CPED1: variants seen among roughly 807,000 people sequenced by gnomAD.
CPED1 encodes the protein cadherin like and PC-esterase domain containing 1.
Under a neutral mutation model 128.2 loss-of-function variants are expected in CPED1, and 114 were observed. The ratio of observed to expected loss-of-function variants is 0.89; its 90% CI spans 0.76 to 1.04. The LOEUF is 1.04. Among genes scored for constraint, CPED1 ranks in the 50% least tolerant of loss-of-function variants. CPED1 has a pLI of 0.00. For missense variants in CPED1, 1,211 were observed against 1,207.1 expected (o/e 1.00, Z -0.05); for synonymous variants, 462 against 426.7 (o/e 1.08, Z -1.02).
chr7:121,045,848 C>G (rs1454000832), intron 3 of CPED1, among the ~76,000 whole-genome samples: 1 of 152,060 alleles, frequency 6.6e-6, no homozygotes, highest in Non-Finnish European at 1.5e-5. Context: ...TTTTGAGATA[C>G]CTATTTCTAT....
At chr7:121,005,598 T>A (rs1791991694) in intron 2 of CPED1, among the ~76,000 whole-genome samples, 1 of 152,114 alleles carries the variant, frequency 6.6e-6, no homozygotes, top group Non-Finnish European at 1.5e-5. Context: ...TGTATACCTA[T>A]GTAACAAACC....
At chr7:121,285,245 T>C (rs1270645977) in intron 22 of CPED1, among the ~76,000 whole-genome samples, 1 of 152,214 alleles carries the variant, frequency 6.6e-6, no homozygotes, top group Non-Finnish European at 1.5e-5. Context: ...GTCCTGAGGC[T>C]GCACAGAGCA....
At chr7:121,041,794 C>A (rs1793060167) in intron 3 of CPED1, among the ~76,000 whole-genome samples, 1 of 152,158 alleles carries the variant, frequency 6.6e-6, no homozygotes, top group Admixed American at 6.5e-5. Context: ...TTTCTGAGAA[C>A]ACTTAGAGAA....
At chr7:121,246,411 T>C (rs1224265868) in intron 18 of CPED1, among the ~76,000 whole-genome samples, 1 of 152,238 alleles carries the variant, frequency 6.6e-6, no homozygotes, top group Non-Finnish European at 1.5e-5. Context: ...CTCACAGTTC[T>C]GGAGGCTACG....
chr7:121,060,397 C>T (rs932210366), intron 4 of CPED1, among the ~76,000 whole-genome samples: 1 of 152,250 alleles, frequency 6.6e-6, no homozygotes, highest in Admixed American at 6.5e-5. Flanking sequence ...GCCAGCTGAG[C>T]TCCTGAGTCT....
intron 13 of CPED1, among the ~76,000 whole-genome samples, chr7:121,135,092 CCTAA>C (rs1373027108): frequency 6.6e-6 from 1 of 151,756 alleles, no homozygotes; most frequent in East Asian, 1.9e-4. Flanking sequence ...TATTGTTAAA[CCTAA>C]CTAACAATTG....
Position 121,194,022 on chromosome 7 carries a change from CTA to C in CPED1, c.2056-42666_2056-42665del, listed in dbSNP as rs1231718616. On this transcript the variant is annotated intron_variant, in intron 16 of 22. Coordinates refer to ENST00000310396, the MANE Select transcript of CPED1 (RefSeq NM_024913.5). The stretch of plus-strand genomic sequence containing the variant: ...TCTCTCTCTCTCTCTCTCTCTCTCT[CTA>C]TATATATATATATATATATATATAT... Among the ~76,000 whole-genome samples, 101 of 74,738 alleles carry C rather than the reference CTA, an allele frequency of 1.4e-3. 1 individual carries two copies. The highest frequency in any genetic ancestry group is 5.3e-3 in the East Asian group (14 of 2,634). The allele number at this position is 74,738 out of a possible 152,430, so 49.0% of individuals were successfully genotyped here. A position where few individuals can be genotyped will look rare whatever the true frequency, so the allele number is the denominator to read the frequency against.
At chr7:121,273,462 C>A (rs1191735331) in intron 22 of CPED1, among the ~76,000 whole-genome samples, 1 of 151,562 alleles carries the variant, frequency 6.6e-6, no homozygotes. Flanking sequence ...GTAGAGGTTG[C>A]AATGAGCTGA....
chr7:121,021,069 G>C (rs1206840765), intron 3 of CPED1, among the ~76,000 whole-genome samples: 1 of 151,872 alleles, frequency 6.6e-6, no homozygotes, highest in Non-Finnish European at 1.5e-5. Flanking sequence ...ATTGGAATTT[G>C]TATTGAAATT....
chr7:121,041,174 C>T (rs1455539880), intron 3 of CPED1, among the ~76,000 whole-genome samples: 2 of 151,920 alleles, frequency 1.3e-5, no homozygotes, highest in East Asian at 1.9e-4. Flanking sequence ...AATATACTTG[C>T]TTTTGATTTA....
In CPED1 at chr7:121,254,952, G is replaced by A. The variant is rs150920288; in HGVS notation, c.2310+10614G>A. 6.6e-5 allele frequency among the ~76,000 whole-genome samples: 10 copies of A among 150,894 alleles called. No individual in the cohort carries two copies. The East Asian group carries it at 1.9e-3, about 29-fold the overall frequency. On this transcript the variant is annotated intron_variant, in intron 18 of 22. Transcript: ENST00000310396. ...AATCAAAACAAGACCTGACCCAGAT[G>A]GATTCACAGCCAAATTCTACCAGAT...
At chr7:121,253,530 A>C (rs987352123) in intron 18 of CPED1, among the ~76,000 whole-genome samples, 2 of 152,112 alleles carry the variant, frequency 1.3e-5, no homozygotes, top group African/African-American at 4.8e-5. Flanking sequence ...TCTAGTCTAC[A>C]TAACAACCAG....
chr7:121,054,165 G>T (rs1456086425), intron 4 of CPED1, among the ~76,000 whole-genome samples: 1 of 152,142 alleles, frequency 6.6e-6, no homozygotes, highest in African/African-American at 2.4e-5. Context: ...AGCAGAGAGG[G>T]CTTGGAAATA....
In CPED1 at chr7:121,099,823, C is replaced by T. The variant is rs149864758; in HGVS notation, c.750-103C>T. 1,448 of 1,214,320 alleles carry T rather than the reference C, an allele frequency of 1.2e-3. 25 individuals are homozygous for T. In the Middle Eastern group the frequency reaches 0.016, roughly 13 times the overall value. 75.2% of individuals were successfully genotyped at this position (1,214,320 alleles called of 1,614,324 possible). On this transcript the variant is annotated intron_variant, in intron 6 of 22. Transcript: ENST00000310396. The stretch of plus-strand genomic sequence containing the variant: ...AAACCCACACACTGAGGGCTGGCGT[C>T]CTACAAAGGATAGAAGCAGTTTACA...
At chr7:120,995,909 T>C (rs1035853620) in intron 2 of CPED1, among the ~76,000 whole-genome samples, 13 of 150,638 alleles carry the variant, frequency 8.6e-5, no homozygotes, top group Non-Finnish European at 1.5e-4. Flanking sequence ...CTCTTCTTCT[T>C]CTTCTCCTTC....
Position 121,124,436 on chromosome 7 carries a change from A to G in CPED1, c.1024A>G (p.Ser342Gly), listed in dbSNP as rs944420640. ...GKLLLAAEVF[S>G]ETSTLGPKTF... is the part of the protein sequence containing the mutation. ...ACTACTGCTAGCGGCTGAAGTATTC[A>G]GTGAAACATCTACTCTGGGACCAAA... The change falls in exon 8 of 23, where the codon AGT (serine) becomes GGT (glycine). Residue 342 changes from serine (S) to glycine (G), a missense_variant. By Grantham distance (56) the Ser-to-Gly change is moderately conservative (BLOSUM62 0). Transcript: ENST00000310396. 1.9e-6 allele frequency: 3 copies of G among 1,598,984 alleles called. No homozygotes were observed. The African/African-American group carries it at 4.0e-5, about 21-fold the overall frequency.
intron 5 of CPED1, among the ~76,000 whole-genome samples, chr7:121,088,791 A>T (rs1466866282): frequency 3.0e-5 from 4 of 132,358 alleles, no homozygotes; most frequent in African/African-American, 1.1e-4. Context: ...AAAAAAAAAA[A>T]ATTGAAAGTG....
chr7:121,065,060 G>T (rs1366406121), intron 5 of CPED1, among the ~76,000 whole-genome samples: 1 of 152,054 alleles, frequency 6.6e-6, no homozygotes, highest in African/African-American at 2.4e-5. Flanking sequence ...TAGTTGATTT[G>T]TTAACTAGTT....
intron 2 of CPED1, among the ~76,000 whole-genome samples, chr7:120,990,554 A>G (rs1234263551): frequency 3.9e-5 from 6 of 152,198 alleles, no homozygotes; most frequent in Admixed American, 6.5e-5. Flanking sequence ...GTAACACAGG[A>G]TTTCTATTTT....
Sources: gnomAD v4.1 joint callset for allele counts (sites outside exome capture counted in the v4.1 genomes callset) on GRCh38, gnomAD v4.1.1 for gene constraint, MANE v1.5 for transcripts, NCBI Gene and HGNC (gene_info 2026-07-23, HGNC 2026-07-21) for gene names.